Variants in NAV3 observed in about 807,000 individuals in gnomAD.
NAV3 encodes pore membrane and/or filament interacting like protein 1.
NAV3 carries 87 observed loss-of-function variants against 244.7 expected under a neutral mutation model. The ratio of observed to expected loss-of-function variants is 0.36; its 90% confidence interval spans 0.30 to 0.42. The LOEUF (loss-of-function observed/expected upper bound fraction) is 0.42. Ranked by LOEUF, NAV3 falls within the 20% of genes least tolerant of loss-of-function variation. The pLI is 1.00. For missense variants in NAV3, 2,663 were observed against 2,893.3 expected (o/e 0.92, Z 1.83); for synonymous variants, 1,126 against 1,042.2 (o/e 1.08, Z -1.55).
Position 77,952,066 on chromosome 12 carries a change from A to AT in NAV3, c.414+10935dup, listed in dbSNP as rs747584967. Among the ~76,000 whole-genome samples the AT allele has an allele frequency of 5.8e-5, 7 of 121,260 alleles. No homozygotes were observed. The South Asian group carries it at 1.1e-3, about 20-fold the overall frequency. The allele number at this position is 121,260 out of a possible 152,430, so 79.6% of individuals were successfully genotyped here. On this transcript the variant is annotated intron_variant, in intron 3 of 39. Transcript: ENST00000397909. The stretch of plus-strand genomic sequence containing the variant: ...CAGGTACCCTAGATCTTAAAGTATA[A>AT]TTAAAAAAAAAAAAAAAACAGGTTG...
intron 1 of NAV3, among the ~76,000 whole-genome samples, chr12:77,879,710 G>GAAAAAAAAAAA (rs1882382027): frequency 2.0e-5 from 2 of 99,826 alleles, no homozygotes; most frequent in Non-Finnish European, 2.3e-5. Flanking sequence ...AAAAAAAAAG[G>GAAAAAAAAAAA]AAATTATTTC....
chr12:77,810,462 C>T (rs1026143492), intron 2 of NAV3, among the ~76,000 whole-genome samples: 4 of 152,124 alleles, frequency 2.6e-5, no homozygotes, highest in South Asian at 4.1e-4. Flanking sequence ...TGAGCCACAG[C>T]GCCTGACCCC....
chr12:77,971,552 G>C (rs1321363198), intron 5 of NAV3, among the ~76,000 whole-genome samples: 2 of 151,972 alleles, frequency 1.3e-5, no homozygotes, highest in African/African-American at 2.4e-5. Context: ...ATATTTTAAA[G>C]CATTTTTCAA....
chr12:78,191,752 A>C (rs1392489706), intron 34 of NAV3, among the ~76,000 whole-genome samples: 1 of 152,156 alleles, frequency 6.6e-6, no homozygotes, highest in African/African-American at 2.4e-5. Flanking sequence ...TCATATCTTT[A>C]TATAAAAGCC....
intron 1 of NAV3, among the ~76,000 whole-genome samples, chr12:77,905,105 A>G (rs1182695493): frequency 1.3e-5 from 2 of 152,162 alleles, no homozygotes; most frequent in Admixed American, 6.5e-5. Context: ...TATTTCATTG[A>G]AAGTTCACCT....
intron 2 of NAV3, among the ~76,000 whole-genome samples, chr12:77,664,021 C>CA (rs1873600408): frequency 6.6e-6 from 1 of 152,202 alleles, no homozygotes. Context: ...TAGTCAATGT[C>CA]ATGTAAAACA....
chr12:77,766,750 T>TTTTTTTTG (rs1869788370), intron 2 of NAV3, among the ~76,000 whole-genome samples: 1 of 31,140 alleles, frequency 3.2e-5, no homozygotes, highest in Non-Finnish European at 6.4e-5. Context: ...TTTTTTTTTT[T>TTTTTTTTG]TTTTTTTTTT....
intron 9 of NAV3, among the ~76,000 whole-genome samples, chr12:78,022,662 T>G (rs1263308703): frequency 6.6e-6 from 1 of 151,816 alleles, no homozygotes; most frequent in Non-Finnish European, 1.5e-5. Context: ...TATTTAATTT[T>G]AAAAAATTAC....
intron 2 of NAV3, among the ~76,000 whole-genome samples, chr12:77,654,808 C>T (rs1482067735): frequency 6.6e-6 from 1 of 150,936 alleles, no homozygotes; most frequent in Non-Finnish European, 1.5e-5. Flanking sequence ...CATGAAAAAC[C>T]ACTGTTCTGC....
intron 2 of NAV3, among the ~76,000 whole-genome samples, chr12:77,720,729 AC>A: frequency 6.6e-6 from 1 of 152,264 alleles, no homozygotes; most frequent in East Asian, 1.9e-4. Context: ...AGGGAGTACA[AC>A]ACGTTTTTCT....
intron 2 of NAV3, among the ~76,000 whole-genome samples, chr12:77,752,734 A>G (rs1044467394): frequency 1.3e-5 from 2 of 152,286 alleles, no homozygotes; most frequent in East Asian, 3.9e-4. Context: ...AGCTCTTATA[A>G]TAATTAAATA....
intron 2 of NAV3, among the ~76,000 whole-genome samples, chr12:77,590,558 G>A (rs1457694420): frequency 6.6e-6 from 1 of 152,062 alleles, no homozygotes; most frequent in African/African-American, 2.4e-5. Context: ...AATAACTAAC[G>A]GGTACTAGGC....
At chr12:77,741,148 C>CAAAAAAAAAAAAAAAAAAAAAAAAACAA in intron 2 of NAV3, among the ~76,000 whole-genome samples, 1 of 68,666 alleles carries the variant, frequency 1.5e-5, no homozygotes, top group Non-Finnish European at 2.7e-5. Context: ...AAAAAAAAGA[C>CAAAAAAAAAAAAAAAAAAAAAAAAACAA]AAAAAAAAAA....
Position 78,188,700 on chromosome 12 carries a change from A to G in NAV3, c.5978A>G (p.His1993Arg). The G allele has an allele frequency of 3.1e-6, 5 of 1,612,594 alleles. No individual in the cohort carries two copies. Among genetic ancestry groups the G allele is most frequent in the Non-Finnish European group, 4.2e-6 (5 of 1,179,044 alleles). ...TGTATAGGAGACTTAATTAGATCCC[A>G]TAACCTAGAAGTGCCTGAATTGCTG... ...SYCIGDLIRS[H>R]NLEVPELLPC... is the part of the protein sequence containing the mutation. The change falls in exon 33 of 40, where the codon CAT becomes CGT. Residue 1993 changes from histidine (H) to arginine (R), a missense_variant. His to Arg is a conservative substitution (Grantham distance 29). Transcript: ENST00000397909.
chr12:77,828,486 T>G (rs1241493477), upstream of NAV3, among the ~76,000 whole-genome samples: 2 of 152,142 alleles, frequency 1.3e-5, no homozygotes, highest in Non-Finnish European at 2.9e-5. Context: ...TCACATCTGG[T>G]TTGTTGAACT....
intron 1 of NAV3, among the ~76,000 whole-genome samples, chr12:77,938,270 G>A (rs547131310): frequency 6.6e-6 from 1 of 152,202 alleles, no homozygotes; most frequent in South Asian, 2.1e-4. Flanking sequence ...TCCAAAAAAT[G>A]TATGATCATA....
At chr12:78,200,019 T>C (rs1959472777) in intron 37 of NAV3, among the ~76,000 whole-genome samples, 1 of 152,082 alleles carries the variant, frequency 6.6e-6, no homozygotes, top group South Asian at 2.1e-4. Context: ...CCTTCTTTAA[T>C]TGCATGTACA....
At chr12:77,632,103 A>G (rs1676596362) in intron 2 of NAV3, among the ~76,000 whole-genome samples, 1 of 151,948 alleles carries the variant, frequency 6.6e-6, no homozygotes, top group African/African-American at 2.4e-5. Context: ...ATTGTTTTAT[A>G]TCCTACTCTT....
intron 2 of NAV3, among the ~76,000 whole-genome samples, chr12:77,729,144 G>T (rs983904094): frequency 2.0e-5 from 3 of 152,018 alleles, no homozygotes; most frequent in Non-Finnish European, 4.4e-5. Flanking sequence ...TAAGTTCTGG[G>T]GGAAGTGAAA....
Sources: gnomAD v4.1 joint callset for allele counts (sites outside exome capture counted in the v4.1 genomes callset) on GRCh38, gnomAD v4.1.1 for gene constraint, MANE v1.5 for transcripts, NCBI Gene and HGNC (gene_info 2026-07-23, HGNC 2026-07-21) for gene names.